The following DLG2 variants were observed in gnomAD, a reference collection of about 807,000 sequenced individuals.
DLG2 encodes the protein discs large MAGUK scaffold protein 2.
Under a neutral mutation model 132.5 loss-of-function variants are expected in DLG2, and 45 were observed. That is an observed-to-expected ratio of 0.34 (90% confidence interval 0.27 to 0.44). DLG2 has a LOEUF of 0.44. DLG2 is among the 20% of genes least tolerant of loss of function. The probability of loss-of-function intolerance (pLI) is 1.00; values close to 1 mark genes in which losing one functional copy is unlikely to be tolerated. For missense variants in DLG2, 1,045 were observed against 1,196.9 expected (o/e 0.87, Z 1.87); for synonymous variants, 424 against 419.6 (o/e 1.01, Z -0.13).
intron 6 of DLG2, among the ~76,000 whole-genome samples, chr11:84,736,696 T>A (rs570047557): frequency 2.0e-5 from 3 of 152,128 alleles, no homozygotes; most frequent in Non-Finnish European, 4.4e-5. Context: ...TAACTGTTGT[T>A]AGTACGTAGA....
At chr11:84,488,989 C>A in intron 7 of DLG2, among the ~76,000 whole-genome samples, 1 of 152,146 alleles carries the variant, frequency 6.6e-6, no homozygotes, top group Non-Finnish European at 1.5e-5. Context: ...CACAACTGCT[C>A]AAGTGTTCAT....
intron 8 of DLG2, among the ~76,000 whole-genome samples, chr11:84,241,618 A>T (rs2097227317): frequency 6.6e-6 from 1 of 152,082 alleles, no homozygotes; most frequent in African/African-American, 2.4e-5. Flanking sequence ...AAAACCCACC[A>T]GGATTAAACA....
At chr11:83,553,137 A>G (rs1490614104) in intron 19 of DLG2, among the ~76,000 whole-genome samples, 2 of 152,200 alleles carry the variant, frequency 1.3e-5, no homozygotes, top group East Asian at 3.8e-4. Flanking sequence ...AACTAAATTC[A>G]GAACACAAAC....
chr11:85,352,137 G>T (rs911255575), intron 3 of DLG2, among the ~76,000 whole-genome samples: 1 of 152,110 alleles, frequency 6.6e-6, no homozygotes, highest in Non-Finnish European at 1.5e-5. Context: ...TTTAGTCTTG[G>T]GAGGGTGTAT....
At chr11:85,218,958 A>G (rs1490905801) in intron 4 of DLG2, among the ~76,000 whole-genome samples, 1 of 152,156 alleles carries the variant, frequency 6.6e-6, no homozygotes, top group Admixed American at 6.6e-5. Context: ...GCAAATTAAC[A>G]CAACAAAACC....
chr11:85,056,103 AAAT>A (rs1414742919), intron 6 of DLG2, among the ~76,000 whole-genome samples: 1 of 152,126 alleles, frequency 6.6e-6, no homozygotes, highest in Non-Finnish European at 1.5e-5. Context: ...GCTATCCAAG[AAAT>A]AATAAAAGAA....
intron 3 of DLG2, among the ~76,000 whole-genome samples, chr11:85,441,778 A>G (rs2113920): frequency 0.88 from 133,578 of 152,118 alleles, 59,151 homozygotes; most frequent in Middle Eastern, 0.92. Flanking sequence ...TGAGGATATA[A>G]AAATGAATGA....
intron 7 of DLG2, among the ~76,000 whole-genome samples, chr11:84,292,669 A>G (rs1462931111): frequency 1.3e-5 from 2 of 152,202 alleles, no homozygotes; most frequent in Non-Finnish European, 2.9e-5. Context: ...AAAAGACTCT[A>G]TTAAGCCTTG....
At chr11:84,117,723 T>C (rs2093702329) in intron 9 of DLG2, among the ~76,000 whole-genome samples, 1 of 152,190 alleles carries the variant, frequency 6.6e-6, no homozygotes, top group Non-Finnish European at 1.5e-5. Context: ...ACTATGTTAA[T>C]GTAATTTATG....
chr11:84,562,803 G>T (rs1356955421), intron 6 of DLG2, among the ~76,000 whole-genome samples: 2 of 149,986 alleles, frequency 1.3e-5, no homozygotes, highest in African/African-American at 4.9e-5. Flanking sequence ...AGGCTGGAGT[G>T]CAGTGGTACG....
intron 3 of DLG2, among the ~76,000 whole-genome samples, chr11:85,300,281 T>C (rs1045398492): frequency 2.6e-5 from 4 of 152,194 alleles, no homozygotes; most frequent in African/African-American, 9.6e-5. Context: ...ATTAAAGTTA[T>C]AATGGGTTAG....
rs111329341 is a variant in DLG2 at position 83,650,463 on chromosome 11, CG to C, written c.1826-17139del. On this transcript the variant is annotated intron_variant, in intron 18 of 27. Transcript: ENST00000376104. ...AAATGGATTTCTTATAGAGTCTTCA[CG>C]GGGGACTAGCCTTGCTCACACCTTG... is the stretch of plus-strand genomic sequence containing the variant. Among the ~76,000 whole-genome samples, 19 of 152,182 alleles carry C rather than the reference CG, an allele frequency of 1.2e-4. 2 individuals carry two copies. Among genetic ancestry groups the C allele is most frequent in the African/African-American group, 4.3e-4 (18 of 41,540 alleles).
At chr11:84,921,719 G>A (rs1464393914) in intron 6 of DLG2, among the ~76,000 whole-genome samples, 1 of 151,984 alleles carries the variant, frequency 6.6e-6, no homozygotes, top group Non-Finnish European at 1.5e-5. Flanking sequence ...AGATGAGGAG[G>A]GAAAACATTT....
At chr11:83,834,865 T>G (rs923839009) in intron 16 of DLG2, among the ~76,000 whole-genome samples, 9 of 152,196 alleles carry the variant, frequency 5.9e-5, no homozygotes, top group African/African-American at 2.2e-4. Flanking sequence ...TTTGACCAAG[T>G]TGTCATTTGC....
At chr11:84,927,226 T>C (rs1334774171) in intron 6 of DLG2, among the ~76,000 whole-genome samples, 1 of 152,034 alleles carries the variant, frequency 6.6e-6, no homozygotes, top group African/African-American at 2.4e-5. Flanking sequence ...GGACAAATAA[T>C]TCATATTGCT....
At chr11:84,964,031 G>A (rs771868925) in intron 6 of DLG2, among the ~76,000 whole-genome samples, 3 of 151,914 alleles carry the variant, frequency 2.0e-5, no homozygotes. Context: ...GAAGCTAACC[G>A]TATTACCAGT....
intron 11 of DLG2, among the ~76,000 whole-genome samples, chr11:84,041,722 T>A (rs2096086573): frequency 6.6e-6 from 1 of 151,964 alleles, no homozygotes. Context: ...AAAATAAACA[T>A]TTATATTTAA....
chr11:85,354,099 A>C (rs531515920), intron 3 of DLG2, among the ~76,000 whole-genome samples: 1 of 151,608 alleles, frequency 6.6e-6, no homozygotes, highest in South Asian at 2.1e-4. Context: ...CGCACTATTC[A>C]TTTTTTTCTA....
chr11:85,155,333 C>T (rs146274550), intron 4 of DLG2, among the ~76,000 whole-genome samples: 34 of 152,238 alleles, frequency 2.2e-4, no homozygotes, highest in African/African-American at 6.0e-4. Flanking sequence ...CTCTGCCCTA[C>T]GATTCTTTTG....
Sources: gnomAD v4.1 joint callset for allele counts (sites outside exome capture counted in the v4.1 genomes callset) on GRCh38, gnomAD v4.1.1 for gene constraint, MANE v1.5 for transcripts, NCBI Gene and HGNC (gene_info 2026-07-23, HGNC 2026-07-21) for gene names.